PAM: variants seen among roughly 807,000 people sequenced by gnomAD.
PAM encodes the protein peptidylglycine alpha-amidating monooxygenase, also known as peptidyl-glycine alpha-amidating monooxygenase.
Under a neutral mutation model 122.1 loss-of-function variants are expected in PAM, and 72 were observed. That is an observed-to-expected ratio of 0.59 (90% confidence interval 0.49 to 0.72). PAM has a LOEUF of 0.72. PAM is among the 30% of genes least tolerant of loss of function. The pLI, the probability that PAM is intolerant of heterozygous loss-of-function variation, is 0.00. For missense variants in PAM, 1,106 were observed against 1,183.7 expected, an observed-to-expected ratio of 0.93 and a Z score of 0.96; for synonymous variants, 389 against 404.4, an observed-to-expected ratio of 0.96 and a Z score of 0.46.
Position 103,028,223 on chromosome 5 carries a change from C to G in PAM, c.2728C>G (p.Leu910Val), listed in dbSNP as rs775640951. ...ACTCGAGACGAGTTCAGGAAGAGTA[C>G]TGGGAAGATTTAGAGGTATGCCTAT... is the stretch of plus-strand genomic sequence containing the variant. The part of the protein sequence containing the change: ...HKLETSSGRV[L>V]GRFRGKGSGG... Residue 910 changes from leucine (L) to valine (V), a missense_variant, in exon 25 of 26, where the codon CTG (leucine) becomes GTG (valine). By Grantham distance (32) the Leu-to-Val change is conservative (BLOSUM62 1). This residue lies in a region of PAM where 333 missense variants were observed against 335.6 expected (regional missense o/e 0.99). Coordinates refer to ENST00000438793, the MANE Select transcript of PAM (RefSeq NM_001177306.2). The G allele has an allele frequency of 6.2e-7, 1 of 1,611,240 alleles. No homozygotes were observed.
At chr5:102,766,789 T>C (rs903555848) in intron 1 of PAM, among the ~76,000 whole-genome samples, 2 of 152,128 alleles carry the variant, frequency 1.3e-5, no homozygotes, top group African/African-American at 4.8e-5. Context: ...AAAGTACTCA[T>C]TAATTTTTCC....
chr5:102,861,043 T>C (rs1784033789), intron 1 of PAM, among the ~76,000 whole-genome samples: 4 of 152,198 alleles, frequency 2.6e-5, no homozygotes, highest in Admixed American at 2.6e-4. Flanking sequence ...GCTGCCATGT[T>C]GTGAAGACAC....
chr5:102,854,225 G>T (rs1489390567), intron 1 of PAM, among the ~76,000 whole-genome samples: 1 of 152,092 alleles, frequency 6.6e-6, no homozygotes, highest in African/African-American at 2.4e-5. Flanking sequence ...CTGGCATATT[G>T]CAAATACTCA....
intron 1 of PAM, among the ~76,000 whole-genome samples, chr5:102,840,040 A>G (rs188128221): frequency 6.6e-6 from 1 of 152,304 alleles, no homozygotes; most frequent in Admixed American, 6.5e-5. Context: ...TAAAACAAGA[A>G]AAATGAAAGT....
chr5:102,872,602 G>A (rs971650571), intron 3 of PAM, among the ~76,000 whole-genome samples: 2 of 152,116 alleles, frequency 1.3e-5, no homozygotes, highest in Non-Finnish European at 2.9e-5. Flanking sequence ...CTGCACTCCT[G>A]TAAGGAATCA....
chr5:102,950,416 G>GGGGTGTGTGTGTGTGTGT (rs372626572), intron 11 of PAM, among the ~76,000 whole-genome samples: 2,416 of 145,998 alleles, frequency 0.017, 23 homozygotes, highest in Non-Finnish European at 0.02. Flanking sequence ...TATGTGGGTG[G>GGGGTGTGTGTGTGTGTGT]GTGTGTGTGT....
intron 3 of PAM, among the ~76,000 whole-genome samples, chr5:102,880,442 T>G (rs1040425330): frequency 1.3e-5 from 2 of 152,076 alleles, no homozygotes; most frequent in Non-Finnish European, 2.9e-5. Flanking sequence ...TTAACAAATT[T>G]TAGTTGACTA....
At chr5:103,004,195 T>C (rs978328256) in intron 17 of PAM, among the ~76,000 whole-genome samples, 3 of 152,228 alleles carry the variant, frequency 2.0e-5, no homozygotes, top group Non-Finnish European at 4.4e-5. Context: ...CTCAAGATTG[T>C]GTGTCAGGGG....
At chr5:102,791,470 A>C (rs561043839) in intron 1 of PAM, among the ~76,000 whole-genome samples, 16 of 151,816 alleles carry the variant, frequency 1.1e-4, no homozygotes, top group Admixed American at 6.6e-4. Flanking sequence ...TTTTTATATT[A>C]TTTTTACTTC....
chr5:102,779,918 T>TATATATATATATATATATATACACACAC (rs147065045), intron 1 of PAM, among the ~76,000 whole-genome samples: 18 of 95,626 alleles, frequency 1.9e-4, no homozygotes, highest in South Asian at 3.7e-4. Context: ...TATATATATA[T>TATATATATATATATATATATACACACAC]ACACACATAT....
At chr5:102,780,692 T>C (rs1242877037) in intron 1 of PAM, among the ~76,000 whole-genome samples, 1 of 152,178 alleles carries the variant, frequency 6.6e-6, no homozygotes, top group Non-Finnish European at 1.5e-5. Context: ...CAGTACTGCA[T>C]CCCATGAAAA....
chr5:102,991,508 A>G (rs941573692), intron 16 of PAM, among the ~76,000 whole-genome samples: 55 of 152,122 alleles, frequency 3.6e-4, no homozygotes, highest in African/African-American at 1.1e-3. Flanking sequence ...GTATAATTCA[A>G]TTGGTTTTCT....
chr5:102,770,411 A>G (rs1755415328), intron 1 of PAM, among the ~76,000 whole-genome samples: 1 of 152,076 alleles, frequency 6.6e-6, no homozygotes, highest in Non-Finnish European at 1.5e-5. Flanking sequence ...GCGTTGAATA[A>G]CAATAGTGAC....
downstream of PAM, chr5:103,031,089 A>T: frequency 6.6e-6 from 1 of 152,208 alleles, no homozygotes; most frequent in East Asian, 1.9e-4. Flanking sequence ...ATGACTTATT[A>T]AAAAAGCAAA....
At position 102,905,879 on chromosome 5, in the gene PAM, A is replaced by G. The variant is rs1799391135; in HGVS notation, c.268+4466A>G. Reference sequence around the variant, plus strand: ...GATGATGACTGAGTATTTCCCACCAATCACCCTGGAAAACACTTAGTTTCT... The same window carrying G: ...GATGATGACTGAGTATTTCCCACCAGTCACCCTGGAAAACACTTAGTTTCT... On this transcript the variant is annotated intron_variant, in intron 4 of 25. Transcript: ENST00000438793. 2.0e-5 allele frequency among the ~76,000 whole-genome samples: 3 copies of G among 151,638 alleles called. No homozygotes were observed. In the South Asian group the frequency reaches 6.2e-4, roughly 31 times the overall value.
intron 14 of PAM, among the ~76,000 whole-genome samples, chr5:102,963,219 A>G (rs1348845701): frequency 6.6e-6 from 1 of 151,936 alleles, no homozygotes; most frequent in Non-Finnish European, 1.5e-5. Context: ...AGAGAAATAC[A>G]GAAATGTACC....
chr5:102,933,992 G>A (rs573796141), intron 7 of PAM, among the ~76,000 whole-genome samples: 7 of 152,284 alleles, frequency 4.6e-5, no homozygotes, highest in African/African-American at 7.2e-5. Context: ...TGCACAAGTA[G>A]CTTCCTCCTA....
At chr5:103,022,800 G>A (rs766626876) in intron 23 of PAM, among the ~76,000 whole-genome samples, 1 of 152,102 alleles carries the variant, frequency 6.6e-6, no homozygotes, top group Non-Finnish European at 1.5e-5. Context: ...GATAAAGAGT[G>A]AAAGTGGCAG....
chr5:102,993,348 G>A (rs1458806337), intron 16 of PAM, among the ~76,000 whole-genome samples: 3 of 152,100 alleles, frequency 2.0e-5, no homozygotes, highest in Non-Finnish European at 2.9e-5. Flanking sequence ...CTGTTCCTGA[G>A]TTTCTGTCTT....
Sources: gnomAD v4.1 joint callset for allele counts (sites outside exome capture counted in the v4.1 genomes callset) on GRCh38, gnomAD v4.1.1 for gene constraint, gnomAD v4.1.1 regional missense constraint, MANE v1.5 for transcripts, NCBI Gene and HGNC (gene_info 2026-07-23, HGNC 2026-07-21) for gene names.